Variants in CARHSP1 observed in about 807,000 individuals in gnomAD.
CARHSP1 encodes the protein calcium regulated heat stable protein 1.
A neutral mutation model predicts 12.5 loss-of-function variants in CARHSP1; 14 were observed. The observed-to-expected ratio is 1.12, with a 90% CI of 0.74 to 1.75. CARHSP1 has a LOEUF of 1.75. Ranked by LOEUF, CARHSP1 falls within the 40% of genes most tolerant of loss-of-function variation. The pLI, the probability that CARHSP1 is intolerant of heterozygous loss-of-function variation, is 0.00. For synonymous variants in CARHSP1, 161 were observed against 82.0 expected, an observed-to-expected ratio of 1.96 and a Z score of -5.20; for missense variants, 343 against 201.6, an observed-to-expected ratio of 1.70 and a Z score of -4.25.
chr16:8,860,186 G>GT, intron 1 of CARHSP1: 1 of 985,450 alleles, frequency 1.0e-6, no homozygotes, highest in African/African-American at 1.7e-5. Flanking sequence ...CTGAGCAGCT[G>GT]TCACAAGCCT....
Position 8,855,072 on chromosome 16 carries a change from T to G in CARHSP1, c.*92A>C. 1 of 1,149,228 alleles carries G rather than the reference T, an allele frequency of 8.7e-7. No individual in the cohort carries two copies. Among genetic ancestry groups the G allele is most frequent in the Non-Finnish European group, 1.2e-6 (1 of 857,684 alleles). 71.2% of individuals were successfully genotyped at this position (1,149,228 alleles called of 1,614,324 possible). On this transcript the variant is annotated 3_prime_UTR_variant, in exon 4 of 4. Transcript: ENST00000311052. ...GGGACCATGCCCGGCTGAAGCCCCGTCTCGTGTGGAAGAATGTCATCTCCA... is the reference window on the plus strand; with the variant it reads ...GGGACCATGCCCGGCTGAAGCCCCGGCTCGTGTGGAAGAATGTCATCTCCA...
At chr16:8,859,429 G>A in intron 1 of CARHSP1, 94 bp from the exon 2 acceptor site, 1 of 1,147,508 alleles carries the variant, frequency 8.7e-7, no homozygotes, top group Non-Finnish European at 1.2e-6. Context: ...CAGTATCTGA[G>A]GCTCATTCCT....
At chr16:8,865,278 T>G (rs987145868) in intron 1 of CARHSP1, among the ~76,000 whole-genome samples, 13 of 151,782 alleles carry the variant, frequency 8.6e-5, no homozygotes, top group Non-Finnish European at 1.5e-5. Context: ...CCCAGCCAAT[T>G]GTTGTATTTT....
At chr16:8,866,521 G>A (rs891361385) in intron 1 of CARHSP1, 47 of 965,756 alleles carry the variant, frequency 4.9e-5, no homozygotes, top group Admixed American at 2.5e-4. Context: ...GAGAACTGCC[G>A]GCACGTGGGC....
At chr16:8,861,645 C>T in intron 1 of CARHSP1, 1 of 1,289,128 alleles carries the variant, frequency 7.8e-7, no homozygotes, top group Non-Finnish European at 1.0e-6. Flanking sequence ...GGCTTGCCTT[C>T]TGGAGGAGGT....
At chr16:8,861,317 C>T (rs938089544) in intron 1 of CARHSP1, among the ~76,000 whole-genome samples, 1 of 151,186 alleles carries the variant, frequency 6.6e-6, no homozygotes, top group Admixed American at 6.6e-5. Flanking sequence ...CCATGCCCGG[C>T]CTGAACTATC....
chr16:8,868,502 T>TC (rs2061484046), intron 1 of CARHSP1: 1 of 140,590 alleles, frequency 7.1e-6, no homozygotes, highest in Admixed American at 6.9e-5. Flanking sequence ...GCTCCCCACC[T>TC]CCCCCGCCGG....
intron 1 of CARHSP1, chr16:8,860,145 C>T (rs563170637): frequency 6.1e-6 from 6 of 985,318 alleles, no homozygotes; most frequent in Non-Finnish European, 6.0e-6. Flanking sequence ...TGGAACACGT[C>T]GCAGAGAGCT....
At position 8,860,079 on chromosome 16, in the gene CARHSP1, A is replaced by C. The variant is rs569439018; in HGVS notation, c.-7-744T>G. 23 of 942,872 alleles carry C rather than the reference A, an allele frequency of 2.4e-5. No individual in the cohort carries two copies. In the South Asian group the frequency reaches 1.1e-3, roughly 46 times the overall value. The allele number at this position is 942,872 out of a possible 1,614,324, so 58.4% of individuals were successfully genotyped here. ...CTGACGCTGCTGGGAGCCAGACACC[A>C]CAGGGAAGCAGGGGCAAAAACTGAC... On this transcript the variant is annotated intron_variant, in intron 1 of 3. Coordinates refer to ENST00000311052, the MANE Select transcript of CARHSP1 (RefSeq NM_014316.4).
intron 1 of CARHSP1, 86 bp from the exon 2 acceptor site, chr16:8,859,421 G>A (rs563853350): frequency 3.3e-6 from 4 of 1,221,128 alleles, no homozygotes; most frequent in Non-Finnish European, 4.6e-6. Context: ...TGACAGTCCA[G>A]TATCTGAGGC....
At position 8,857,275 on chromosome 16, in the gene CARHSP1, T is replaced by TGTTTTTTG. The variant is rs745394430; in HGVS notation, c.281+1074_281+1075insCAAAAAAC. 5.8e-4 allele frequency among the ~76,000 whole-genome samples: 58 copies of TGTTTTTTG among 100,600 alleles called. 1 individual carries two copies. Among genetic ancestry groups the TGTTTTTTG allele is most frequent in the African/African-American group, 1.0e-3 (21 of 20,240 alleles). The allele number at this position is 100,600 out of a possible 152,430, so 66.0% of individuals were successfully genotyped here. A position where few individuals can be genotyped will look rare whatever the true frequency, so the allele number is the denominator to read the frequency against. ...CTTGGGCAGATCTGTTTTTTTTTTT[T>TGTTTTTTG]TTTTTTTTTTTTTTTTTTTTTTTTG... On this transcript the variant is annotated intron_variant, in intron 3 of 3. Transcript: ENST00000311052.
At position 8,855,253 on chromosome 16, in the gene CARHSP1, C is replaced by T. The variant is rs138738390; in HGVS notation, c.355G>A (p.Glu119Lys). 1.2e-6 allele frequency: 2 copies of T among 1,613,240 alleles called. No homozygotes were observed. Among genetic ancestry groups the T allele is most frequent in the African/African-American group, 1.3e-5 (1 of 74,898 alleles). The change falls in exon 4 of 4, where the codon GAG becomes AAG. Residue 119 changes from glutamate to lysine, a missense_variant. Transcript: ENST00000311052. ...ACGACCTCCACGGCCTGCAGCTTCT[C>T]ATTCTTGGGTGGGATGGAGCACATT... ...YKMCSIPPKN[E>K]KLQAVEVVIT...
At chr16:8,861,315 G>A (rs917633900) in intron 1 of CARHSP1, among the ~76,000 whole-genome samples, 2 of 150,474 alleles carry the variant, frequency 1.3e-5, no homozygotes, top group African/African-American at 2.4e-5. Flanking sequence ...CACCATGCCC[G>A]GCCTGAACTA....
intron 1 of CARHSP1, among the ~76,000 whole-genome samples, chr16:8,860,869 G>A (rs868620593): frequency 1.3e-5 from 2 of 151,702 alleles, no homozygotes; most frequent in Non-Finnish European, 2.9e-5. Flanking sequence ...TGGCCAACAT[G>A]GTGAAAACCA....
intron 1 of CARHSP1, among the ~76,000 whole-genome samples, chr16:8,862,705 G>C (rs1596543082): frequency 6.6e-6 from 1 of 152,326 alleles, no homozygotes; most frequent in East Asian, 1.9e-4. Context: ...TGAGGGCCCG[G>C]GTGGGACTGA....
chr16:8,868,483 G>T (rs1336599476), intron 1 of CARHSP1: 3 of 150,344 alleles, frequency 2.0e-5, no homozygotes, highest in African/African-American at 7.3e-5. Context: ...ATCGCGCGGC[G>T]CCAGGACGGC....
At chr16:8,863,401 C>A (rs2061403113) in intron 1 of CARHSP1, among the ~76,000 whole-genome samples, 1 of 152,220 alleles carries the variant, frequency 6.6e-6, no homozygotes, top group Non-Finnish European at 1.5e-5. Flanking sequence ...GCGTGAGCCA[C>A]CACACCCAGC....
At chr16:8,862,511 A>G (rs903280267) in intron 1 of CARHSP1, among the ~76,000 whole-genome samples, 1 of 152,096 alleles carries the variant, frequency 6.6e-6, no homozygotes, top group Non-Finnish European at 1.5e-5. Flanking sequence ...ATAAACATAA[A>G]CCAGATCATT....
intron 1 of CARHSP1, among the ~76,000 whole-genome samples, chr16:8,864,050 C>T (rs944470691): frequency 6.6e-6 from 1 of 152,188 alleles, no homozygotes; most frequent in Non-Finnish European, 1.5e-5. Flanking sequence ...CTCAGATGAG[C>T]TTCTGGCCTG....
Sources: gnomAD v4.1 joint callset for allele counts (sites outside exome capture counted in the v4.1 genomes callset) on GRCh38, gnomAD v4.1.1 for gene constraint, MANE v1.5 for transcripts, NCBI Gene and HGNC (gene_info 2026-07-23, HGNC 2026-07-21) for gene names.